RRAGC: variants seen among roughly 807,000 people sequenced by gnomAD.
RRAGC encodes ras-related GTP-binding protein C.
A neutral mutation model predicts 37.1 loss-of-function variants in RRAGC; 8 were observed. The ratio of observed to expected loss-of-function variants is 0.22; its 90% confidence interval spans 0.13 to 0.39. The LOEUF is 0.39. Ranked by LOEUF, RRAGC falls within the 10% of genes least tolerant of loss-of-function variation. The pLI is 1.00. For synonymous variants in RRAGC, 190 were observed against 181.1 expected, an observed-to-expected ratio of 1.05 and a Z score of -0.39; for missense variants, 342 against 497.6, an observed-to-expected ratio of 0.69 and a Z score of 2.98.
intron 6 of RRAGC, among the ~76,000 whole-genome samples, chr1:38,841,803 G>A (rs1641966685): frequency 6.6e-6 from 1 of 152,066 alleles, no homozygotes; most frequent in Non-Finnish European, 1.5e-5. Context: ...GAGCAACACA[G>A]CAAGATTCCC....
chr1:38,858,037 TAGAAG>T (rs1454165365), intron 1 of RRAGC, among the ~76,000 whole-genome samples: 6 of 152,156 alleles, frequency 3.9e-5, no homozygotes, highest in African/African-American at 9.7e-5. Context: ...TCTTACTGTC[TAGAAG>T]AGAAAAGTGA....
intron 5 of RRAGC, among the ~76,000 whole-genome samples, chr1:38,850,455 A>G (rs1426313772): frequency 6.6e-6 from 1 of 152,112 alleles, no homozygotes; most frequent in East Asian, 1.9e-4. Context: ...TGGAGCTTGC[A>G]GTGAGCCAAG....
Position 38,855,693 on chromosome 1 carries a change from C to T in RRAGC, c.641+15G>A, listed in dbSNP as rs1467538587. 1.9e-6 allele frequency: 3 copies of T among 1,606,140 alleles called. No individual in the cohort carries two copies. Among genetic ancestry groups the T allele is most frequent in the East Asian group, 2.2e-5 (1 of 44,836 alleles). Reference sequence around the variant, plus strand: ...CCTTGTTCAGGGCTTTCATATCAAACACACATGTTGTTACCTAAGATGGAG... The same window carrying T: ...CCTTGTTCAGGGCTTTCATATCAAATACACATGTTGTTACCTAAGATGGAG... On this transcript the variant is annotated intron_variant, in intron 3 of 6. Coordinates refer to ENST00000373001, the MANE Select transcript of RRAGC (RefSeq NM_022157.4).
chr1:38,856,075 T>C, intron 2 of RRAGC, among the ~76,000 whole-genome samples, 168 bp from the exon 3 acceptor site: 1 of 152,202 alleles, frequency 6.6e-6, no homozygotes, highest in East Asian at 1.9e-4. Flanking sequence ...TTCAATTGTC[T>C]CAAGATAAAA....
At chr1:38,851,361 G>T (rs761177862) in intron 5 of RRAGC, among the ~76,000 whole-genome samples, 1 of 152,194 alleles carries the variant, frequency 6.6e-6, no homozygotes, top group Non-Finnish European at 1.5e-5. Context: ...CCACAACAGT[G>T]GGAGAAACTT....
At chr1:38,859,283 G>A (rs1276700966) in intron 1 of RRAGC, 127 bp downstream of exon 1, 47 of 899,974 alleles carry the variant, frequency 5.2e-5, no homozygotes, top group South Asian at 3.5e-5. Flanking sequence ...GCGCTCGCAA[G>A]AGTGGAAGAG....
rs1448904581 is a variant in RRAGC at position 38,859,443 on chromosome 1, T to A, written c.204A>T (p.Gly68=). The change falls in exon 1 of 7, where the codon GGA becomes GGT. Residue 68 remains glycine (G), a synonymous_variant. Transcript: ENST00000373001. ...TGGAGGACTTGCCGCTGCGCCGGAG[T>A]CCCATGAGCAGAATCCTCGGCTTGG... is the stretch of plus-strand genomic sequence containing the variant. ...DSSKPRILLM[G]LRRSGKSSIQ... is the part of the protein sequence containing the mutation. 1.3e-6 allele frequency: 2 copies of A among 1,547,938 alleles called. No homozygotes were observed. The highest frequency in any genetic ancestry group is 1.7e-6 in the Non-Finnish European group (2 of 1,146,524).
rs1641923108 is a variant in RRAGC at position 38,839,425 on chromosome 1, T to C, written c.*128A>G. ...GGGTTTTCATCCAAATGAGAAACTC[T>C]ACCCCTTGTCTCTAGTGGAACAGGC... On this transcript the variant is annotated 3_prime_UTR_variant, in exon 7 of 7. Transcript: ENST00000373001. The C allele has an allele frequency of 5.4e-6, 5 of 918,834 alleles. No individual in the cohort carries two copies. Among genetic ancestry groups the C allele is most frequent in the Admixed American group, 2.8e-5 (1 of 36,126 alleles). 56.9% of individuals were successfully genotyped at this position (918,834 alleles called of 1,614,324 possible).
At chr1:38,859,055 CAGGGG>C (rs1160133450) in intron 1 of RRAGC, among the ~76,000 whole-genome samples, 1 of 152,218 alleles carries the variant, frequency 6.6e-6, no homozygotes, top group African/African-American at 2.4e-5. Flanking sequence ...CAAAACGGGC[CAGGGG>C]AGGGAGTCCA....
rs1340563449 is a variant in RRAGC at position 38,855,843 on chromosome 1, G to A, written c.506C>T (p.Pro169Leu). ...ITVSKAYKVN[P>L]DMNFEVFIHK... is the part of the protein sequence containing the mutation. ...AATAAAAACCTCAAAATTCATGTCT[G>A]GGTTAACTTTGTAGGCTTTAGAAAC... Residue 169 changes from proline to leucine, a missense_variant, in exon 3 of 7, where the codon CCA becomes CTA. Around this residue, in one of 3 missense-constraint regions of RRAGC, gnomAD observed 134 missense variants for 277.2 expected, o/e 0.48. Coordinates refer to ENST00000373001, the MANE Select transcript of RRAGC (RefSeq NM_022157.4). 1 of 1,613,890 alleles carries A rather than the reference G, an allele frequency of 6.2e-7. No individual in the cohort carries two copies. Among genetic ancestry groups the A allele is most frequent in the Admixed American group, 1.7e-5 (1 of 60,016 alleles).
In RRAGC at chr1:38,859,685, G is replaced by GGCCAGGCCGA. The variant is rs1253941311; in HGVS notation, c.-49_-40dup. On this transcript the variant is annotated 5_prime_UTR_variant, in exon 1 of 7. Coordinates refer to ENST00000373001, the MANE Select transcript of RRAGC (RefSeq NM_022157.4). Reference sequence around the variant, plus strand: ...CCGCCGCCCGCGCCCTGACAGGCCAGGCCAGGCCGAGCCAGGCCGCCGCCT... The same window carrying GGCCAGGCCGA: ...CCGCCGCCCGCGCCCTGACAGGCCAGGCCAGGCCGAGCCAGGCCGAGCCAGGCCGCCGCCT... 8.3e-6 allele frequency: 12 copies of GGCCAGGCCGA among 1,446,172 alleles called. No homozygotes were observed. In the Admixed American group the frequency reaches 1.1e-4, roughly 13 times the overall value. 89.6% of individuals were successfully genotyped at this position (1,446,172 alleles called of 1,614,324 possible).
intron 6 of RRAGC, among the ~76,000 whole-genome samples, chr1:38,844,835 A>G (rs967175824): frequency 5.3e-5 from 8 of 152,256 alleles, no homozygotes; most frequent in African/African-American, 1.9e-4. Context: ...GCCACTTCTC[A>G]AAAGAAGACA....
rs180757664 is a variant in RRAGC at position 38,839,242 on chromosome 1, G to A, written c.*311C>T. On this transcript the variant is annotated 3_prime_UTR_variant, in exon 7 of 7. Coordinates refer to ENST00000373001, the MANE Select transcript of RRAGC (RefSeq NM_022157.4). ...CATTCCCTGGTAAGGATGGGTAACTGGTGTTATCTCCAGGTCCAAAATATC... is the reference window on the plus strand; with the variant it reads ...CATTCCCTGGTAAGGATGGGTAACTAGTGTTATCTCCAGGTCCAAAATATC... The A allele has an allele frequency of 1.2e-4, 30 of 259,296 alleles. No homozygotes were observed. The highest frequency in any genetic ancestry group is 6.6e-4 in the African/African-American group (30 of 45,374). The allele number at this position is 259,296 out of a possible 1,614,324, so 16.1% of individuals were successfully genotyped here.
intron 3 of RRAGC, among the ~76,000 whole-genome samples, chr1:38,855,463 T>G (rs745458925): frequency 6.6e-6 from 1 of 152,150 alleles, no homozygotes; most frequent in Admixed American, 6.5e-5. Context: ...TCTCTTGAGA[T>G]GAATTTGGAA....
chr1:38,851,123 T>C (rs1489453134), intron 5 of RRAGC, among the ~76,000 whole-genome samples: 1 of 152,244 alleles, frequency 6.6e-6, no homozygotes, highest in African/African-American at 2.4e-5. Flanking sequence ...GAGATTTATT[T>C]TGGAAACTTG....
At position 38,859,438 on chromosome 1, in the gene RRAGC, C is replaced by G; in HGVS notation, c.209G>C (p.Arg70Pro). 1 of 1,548,476 alleles carries G rather than the reference C, an allele frequency of 6.5e-7. No homozygotes were observed. Among genetic ancestry groups the G allele is most frequent in the Non-Finnish European group, 8.7e-7 (1 of 1,146,628 alleles). The part of the protein sequence containing the change: ...SKPRILLMGL[R>P]RSGKSSIQKV... The stretch of plus-strand genomic sequence containing the variant: ...CTGGATGGAGGACTTGCCGCTGCGC[C>G]GGAGTCCCATGAGCAGAATCCTCGG... The change falls in exon 1 of 7, where the codon CGG (arginine) becomes CCG (proline). Residue 70 changes from arginine to proline, a missense_variant. Around this residue, in one of 3 missense-constraint regions of RRAGC, gnomAD observed 134 missense variants for 277.2 expected, o/e 0.48. Transcript: ENST00000373001.
In RRAGC at chr1:38,855,864, G is replaced by GA; in HGVS notation, c.484dup (p.Ser162PhefsTer2). On this transcript the variant is annotated frameshift_variant, in exon 3 of 7. Transcript: ENST00000373001. LOFTEE classifies it high-confidence loss of function. ...GTCTGGGTTAACTTTGTAGGCTTTA[G>GA]AAACAGTAATGTGAAGTCTTGTTAA... is the stretch of plus-strand genomic sequence containing the variant. The GA allele has an allele frequency of 6.2e-7, 1 of 1,613,880 alleles. No homozygotes were observed. The highest frequency in any genetic ancestry group is 8.5e-7 in the Non-Finnish European group (1 of 1,179,836).
At position 38,859,732 on chromosome 1, in the gene RRAGC, GCCGCCACCA is replaced by G. The variant is rs1553154390; in HGVS notation, c.-95_-87del. 1 of 1,156,600 alleles carries G rather than the reference GCCGCCACCA, an allele frequency of 8.6e-7. No individual in the cohort carries two copies. The allele number at this position is 1,156,600 out of a possible 1,614,324, so 71.6% of individuals were successfully genotyped here. The stretch of plus-strand genomic sequence containing the variant: ...GCCTCCCCAGTCCGCCTCCGCCGCC[GCCGCCACCA>G]CCGCCACCGCCCCCGGCAGCCGCCA... On this transcript the variant is annotated 5_prime_UTR_variant, in exon 1 of 7. Transcript: ENST00000373001.
Position 38,859,692 on chromosome 1 carries a change from C to A in RRAGC, c.-46G>T. On this transcript the variant is annotated 5_prime_UTR_variant, in exon 1 of 7. Transcript: ENST00000373001. ...CCGCGCCCTGACAGGCCAGGCCAGG[C>A]CGAGCCAGGCCGCCGCCTCCCCAGT... 2 of 1,377,836 alleles carry A rather than the reference C, an allele frequency of 1.5e-6. No homozygotes were observed. Among genetic ancestry groups the A allele is most frequent in the South Asian group, 1.7e-5 (1 of 59,850 alleles). The allele number at this position is 1,377,836 out of a possible 1,614,324, so 85.4% of individuals were successfully genotyped here.
Sources: gnomAD v4.1 joint callset for allele counts (sites outside exome capture counted in the v4.1 genomes callset) on GRCh38, gnomAD v4.1.1 for gene constraint, gnomAD v4.1.1 regional missense constraint, MANE v1.5 for transcripts, NCBI Gene and HGNC (gene_info 2026-07-23, HGNC 2026-07-21) for gene names.